SLC12A6: variants seen among roughly 807,000 people sequenced by gnomAD.
The protein encoded by SLC12A6 is solute carrier family 12 member 6, also known as K-Cl cotransporter 3.
SLC12A6 carries 66 observed loss-of-function variants against 135.3 expected under a neutral mutation model. The observed-to-expected ratio is 0.49, with a 90% confidence interval of 0.40 to 0.60. The LOEUF is 0.60. SLC12A6 is among the 20% of genes least tolerant of loss of function. SLC12A6 has a pLI of 0.00. For synonymous variants in SLC12A6, 513 were observed against 508.8 expected (o/e 1.01, Z -0.11); for missense variants, 1,058 against 1,452.3 (o/e 0.73, Z 4.41).
At position 34,240,849 on chromosome 15, in the gene SLC12A6, G is replaced by A; in HGVS notation, c.2268-20C>T. 6.2e-7 allele frequency: 1 copy of A among 1,602,722 alleles called. No homozygotes were observed. Among genetic ancestry groups the A allele is most frequent in the Non-Finnish European group, 8.5e-7 (1 of 1,173,612 alleles). On this transcript the variant is annotated intron_variant, in intron 18 of 25. Transcript: ENST00000354181. ...TGAGGCCTGTGAAGAGGTTGGTGGG[G>A]GTTGGAGGGGAGGAGAAAACATTTT... is the stretch of plus-strand genomic sequence containing the variant.
chr15:34,243,379 T>C (rs907773612), intron 16 of SLC12A6, among the ~76,000 whole-genome samples: 9 of 152,144 alleles, frequency 5.9e-5, no homozygotes. Flanking sequence ...CAGGACATAA[T>C]TAATGAGCTC....
At chr15:34,253,202 A>G (rs536744656) in intron 9 of SLC12A6, among the ~76,000 whole-genome samples, 39 of 152,316 alleles carry the variant, frequency 2.6e-4, no homozygotes, top group African/African-American at 9.1e-4. Flanking sequence ...TGTACCTATT[A>G]CTCAGCTTCA....
chr15:34,294,327 G>C (rs1320296358), intron 2 of SLC12A6, among the ~76,000 whole-genome samples: 1 of 152,028 alleles, frequency 6.6e-6, no homozygotes, highest in Non-Finnish European at 1.5e-5. Flanking sequence ...CCACCTCCCT[G>C]GTTCAAGCAA....
rs372017215 is a variant in SLC12A6 at position 34,237,570 on chromosome 15, A to G, written c.2803-20T>C. 1.1e-5 allele frequency: 17 copies of G among 1,607,774 alleles called. No individual in the cohort carries two copies. The highest frequency in any genetic ancestry group is 1.3e-5 in the African/African-American group (1 of 74,768). ...CCACACCTGAGAGAGTGACATACAC[A>G]TGTGAAAAATTAGAGCAAGGAGGCA... On this transcript the variant is annotated intron_variant, in intron 21 of 25. Coordinates refer to ENST00000354181, the MANE Select transcript of SLC12A6 (RefSeq NM_001365088.1).
chr15:34,328,913 C>T (rs1269647493), intron 2 of SLC12A6, among the ~76,000 whole-genome samples: 1 of 152,168 alleles, frequency 6.6e-6, no homozygotes, highest in Non-Finnish European at 1.5e-5. Context: ...AAAATAAAAA[C>T]ATATATACAC....
intron 2 of SLC12A6, among the ~76,000 whole-genome samples, chr15:34,299,135 T>G (rs982471193): frequency 6.6e-6 from 1 of 152,200 alleles, no homozygotes; most frequent in African/African-American, 2.4e-5. Context: ...GCTCTACCTT[T>G]GTTCCTACTT....
Position 34,250,324 on chromosome 15 carries a change from A to G in SLC12A6, c.1623T>C (p.Cys541=). 6.3e-7 allele frequency: 1 copy of G among 1,592,478 alleles called. No individual in the cohort carries two copies. The highest frequency in any genetic ancestry group is 1.1e-5 in the South Asian group (1 of 90,644). Reference sequence around the variant, plus strand: ...TGTCTCTGAGAACAACCCCTTCAATACATGCACCAAAAAGGACAACATTGC... The same window carrying G: ...TGTCTCTGAGAACAACCCCTTCAATGCATGCACCAAAAAGGACAACATTGC... ...YLSNVVLFGA[C]IEGVVLRDKF... Residue 541 remains cysteine, a synonymous_variant, in exon 13 of 26, where the codon TGT becomes TGC. Coordinates refer to ENST00000354181, the MANE Select transcript of SLC12A6 (RefSeq NM_001365088.1).
intron 3 of SLC12A6, among the ~76,000 whole-genome samples, chr15:34,265,415 ACAAAC>A (rs752121823): frequency 3.4e-5 from 5 of 146,114 alleles, no homozygotes; most frequent in African/African-American, 1.3e-4. Flanking sequence ...AAAAAAAAAA[ACAAAC>A]AAAAAAGACA....
intron 18 of SLC12A6, 144 bp from the exon 19 acceptor site, chr15:34,240,973 G>C: frequency 2.8e-6 from 2 of 721,752 alleles, no homozygotes; most frequent in Non-Finnish European, 4.9e-6. Flanking sequence ...GAGATGACAG[G>C]ATAAGGGCAT....
chr15:34,336,390 C>T lies in SLC12A6; in HGVS notation c.271+20G>A, dbSNP rs541890423. The T allele has an allele frequency of 1.9e-6, 3 of 1,596,326 alleles. No individual in the cohort carries two copies. Among genetic ancestry groups the T allele is most frequent in the African/African-American group, 1.3e-5 (1 of 74,550 alleles). On this transcript the variant is annotated intron_variant, in intron 2 of 25. Coordinates refer to ENST00000354181, the MANE Select transcript of SLC12A6 (RefSeq NM_001365088.1). The stretch of plus-strand genomic sequence containing the variant: ...AGAACCCAGTAATGAAAGTATGCTG[C>T]GGTCTGTGTTTCTACTTACCCTCGA...
chr15:34,318,654 C>A (rs758500312), intron 2 of SLC12A6: 1 of 1,613,024 alleles, frequency 6.2e-7, no homozygotes, highest in Non-Finnish European at 8.5e-7. Context: ...GGGTCCTCTA[C>A]CTTAGTCACA....
chr15:34,257,532 A>G (rs2140744761), intron 6 of SLC12A6, 110 bp downstream of exon 6: 1 of 838,228 alleles, frequency 1.2e-6, no homozygotes, highest in East Asian at 2.4e-5. Flanking sequence ...TGTTGAGATC[A>G]TGAGTCCTTC....
At chr15:34,297,792 T>C (rs1452943500) in intron 2 of SLC12A6, among the ~76,000 whole-genome samples, 1 of 152,160 alleles carries the variant, frequency 6.6e-6, no homozygotes, top group Non-Finnish European at 1.5e-5. Flanking sequence ...GGAAGGCAAA[T>C]AGAGGAGTCT....
Position 34,241,270 on chromosome 15 carries a change from G to A in SLC12A6, c.2230C>T (p.Arg744Ter), listed in dbSNP as rs751184319. The change falls in exon 18 of 26, where the codon CGA (arginine) becomes TGA (stop). Residue 744 changes from arginine (R) to a stop codon, truncating the protein, a stop_gained. Transcript: ENST00000354181. LOFTEE classifies it high-confidence loss of function. Reference protein sequence around the residue: ...SLSAARFALLRLEEGPPHTKN... With the variant: ...SLSAARFALL ...GTGTGTGGAGGTCCTTCCTCCAATC[G>A]AAGCAAAGCAAACCGGGCTGCACTG... The A allele has an allele frequency of 9.3e-6, 15 of 1,609,298 alleles. No individual in the cohort carries two copies. The highest frequency in any genetic ancestry group is 8.3e-5 in the Admixed American group (5 of 60,004).
chr15:34,312,362 G>A (rs917283849), intron 2 of SLC12A6, among the ~76,000 whole-genome samples: 2 of 152,180 alleles, frequency 1.3e-5, no homozygotes, highest in African/African-American at 2.4e-5. Context: ...AAAAAAGGCA[G>A]GGAGCATGTC....
At chr15:34,294,911 C>T (rs1895780925) in intron 2 of SLC12A6, among the ~76,000 whole-genome samples, 1 of 152,178 alleles carries the variant, frequency 6.6e-6, no homozygotes, top group African/African-American at 2.4e-5. Context: ...ATAGACACAA[C>T]TCTACTTTCC....
Position 34,240,725 on chromosome 15 carries a change from A to G in SLC12A6, c.2372T>C (p.Ile791Thr), listed in dbSNP as rs768196751. The G allele has an allele frequency of 1.2e-6, 2 of 1,614,054 alleles. No homozygotes were observed. The highest frequency in any genetic ancestry group is 8.5e-7 in the Non-Finnish European group (1 of 1,179,892). ...SQLKAGKGLT[I>T]VGSVIVGNFL... ...GTTCCCCACGATGACAGAGCCCACA[A>G]TAGTGAGACCTTTTCCTGCTTTGAG... The change falls in exon 19 of 26, where the codon ATT becomes ACT. Residue 791 changes from isoleucine to threonine, a missense_variant. Physicochemically the swap from Ile to Thr is moderately conservative, Grantham distance 89 (BLOSUM62 -1). Transcript: ENST00000354181.
intron 2 of SLC12A6, among the ~76,000 whole-genome samples, chr15:34,313,562 A>G (rs1446336909): frequency 6.6e-6 from 1 of 152,254 alleles, no homozygotes. Flanking sequence ...CAGAAGCTAT[A>G]GCAAGTTATC....
Position 34,275,392 on chromosome 15 carries a change from GA to G in SLC12A6, c.272-4del. The G allele has an allele frequency of 2.0e-6, 3 of 1,490,774 alleles. No homozygotes were observed. Among genetic ancestry groups the G allele is most frequent in the Non-Finnish European group, 2.8e-6 (3 of 1,069,120 alleles). The allele number at this position is 1,490,774 out of a possible 1,614,324, so 92.3% of individuals were successfully genotyped here. On this transcript the variant is annotated splice_region_variant and splice_polypyrimidine_tract_variant and intron_variant, in intron 2 of 25. Coordinates refer to ENST00000354181, the MANE Select transcript of SLC12A6 (RefSeq NM_001365088.1). ...TGTGATGGAGTTCTGACTCAGGTCT[GA>G]AAAACAAACAATTGAAAAGAAAAGA...
Sources: allele counts gnomAD v4.1 joint callset (sites outside exome capture counted in the v4.1 genomes callset), GRCh38; gene constraint gnomAD v4.1.1; transcripts MANE v1.5; gene names NCBI Gene and HGNC (gene_info 2026-07-23, HGNC 2026-07-21).